PP2D1: variants seen among roughly 807,000 people sequenced by gnomAD.
PP2D1 encodes protein phosphatase 2C-like domain-containing protein 1.
PP2D1 carries 25 observed loss-of-function variants against 30.2 expected under a neutral mutation model. The ratio of observed to expected loss-of-function variants is 0.83; its 90% CI spans 0.60 to 1.16. PP2D1 has a LOEUF of 1.16. Ranked by LOEUF, PP2D1 falls within the 50% of genes most tolerant of loss-of-function variation. The pLI is 0.00. For missense variants in PP2D1, 760 were observed against 742.4 expected, an observed-to-expected ratio of 1.02 and a Z score of -0.28; for synonymous variants, 260 against 258.9, an observed-to-expected ratio of 1.00 and a Z score of -0.04.
At chr3:19,989,448 A>G (rs1283391458) in intron 2 of PP2D1, among the ~76,000 whole-genome samples, 1 of 152,234 alleles carries the variant, frequency 6.6e-6, no homozygotes, top group East Asian at 1.9e-4. Context: ...GGTGTTTGTG[A>G]AAAACATTTT....
intron 2 of PP2D1, among the ~76,000 whole-genome samples, chr3:19,990,388 C>CTCCCAAAATGCTTGGTT (rs1329265772): frequency 1.3e-5 from 2 of 152,176 alleles, no homozygotes; most frequent in African/African-American, 2.4e-5. Context: ...TCAATCGATC[C>CTCCCAAAATGCTTGGTT]TCCCAAAATG....
rs2686325 is a variant in PP2D1, at chr3:20,012,243, G to A, written c.-171C>T. ...ATGGTGGGCATTCCCCTCACTTGAT[G>A]GTAGAGCTCCCTGTGTGGAATGTTC... is the stretch of plus-strand genomic sequence containing the variant. On this transcript the variant is annotated 5_prime_UTR_variant, in exon 1 of 3. Coordinates refer to ENST00000389050, the MANE Select transcript of PP2D1 (RefSeq NM_001252657.2). The A allele has an allele frequency of 0.21, 129,765 of 611,552 alleles. 16,503 individuals are homozygous for A. The highest frequency in any genetic ancestry group is 0.47 in the African/African-American group (25,284 of 54,044). The allele number at this position is 611,552 out of a possible 1,614,324, so 37.9% of individuals were successfully genotyped here.
intron 2 of PP2D1, among the ~76,000 whole-genome samples, chr3:19,993,289 A>G (rs1298899198): frequency 6.6e-6 from 1 of 152,354 alleles, no homozygotes; most frequent in Non-Finnish European, 1.5e-5. Context: ...TCTGGATCTT[A>G]GATTGACCCT....
chr3:19,987,773 G>A (rs1022253128), intron 2 of PP2D1, among the ~76,000 whole-genome samples: 5 of 152,170 alleles, frequency 3.3e-5, no homozygotes, highest in Admixed American at 6.5e-5. Flanking sequence ...TTAGTCGGGC[G>A]TTGTTGCGGG....
Position 19,985,346 on chromosome 3 carries a change from T to G in PP2D1, c.*34A>C. The G allele has an allele frequency of 7.3e-7, 1 of 1,377,372 alleles. No homozygotes were observed. The highest frequency in any genetic ancestry group is 1.4e-5 in the South Asian group (1 of 72,810). The allele number at this position is 1,377,372 out of a possible 1,614,324, so 85.3% of individuals were successfully genotyped here. On this transcript the variant is annotated 3_prime_UTR_variant, in exon 3 of 3. Transcript: ENST00000389050. ...TGGATCATTGAAGAATCACTTTATATTTTGGTGCTCTGGATAATTGGAACT... is the reference window on the plus strand; with the variant it reads ...TGGATCATTGAAGAATCACTTTATAGTTTGGTGCTCTGGATAATTGGAACT...
intron 2 of PP2D1, 73 bp from the exon 3 acceptor site, chr3:19,986,255 C>T: frequency 8.9e-6 from 10 of 1,129,248 alleles, no homozygotes; most frequent in Non-Finnish European, 1.2e-5. Context: ...CTACTGCTAA[C>T]TTTAGTAAAT....
Position 19,986,174 on chromosome 3 carries a change from G to A in PP2D1, c.1099C>T (p.Gln367Ter). 6.8e-7 allele frequency: 1 copy of A among 1,476,740 alleles called. No individual in the cohort carries two copies. The highest frequency in any genetic ancestry group is 1.3e-5 in the South Asian group (1 of 74,568). The allele number at this position is 1,476,740 out of a possible 1,614,324, so 91.5% of individuals were successfully genotyped here. A position where few individuals can be genotyped will look rare whatever the true frequency, so the allele number is the denominator to read the frequency against. ...TTCCCATTTCTGCATAAGACTGCTT[G>A]CACATTACCTAAAAGATTATTTTTT... ...ILHVANTGNV[Q>*]AVLCRNGKGF... Residue 367 changes from glutamine to a stop codon, truncating the protein, a stop_gained, in exon 3 of 3, where the codon CAA becomes TAA. Transcript: ENST00000389050. LOFTEE classifies it low-confidence loss of function (END_TRUNC).
intron 2 of PP2D1, among the ~76,000 whole-genome samples, chr3:19,987,221 A>T (rs1350531899): frequency 6.6e-6 from 1 of 152,122 alleles, no homozygotes; most frequent in Non-Finnish European, 1.5e-5. Context: ...TTTAAACATG[A>T]TCTGAACAGA....
downstream of PP2D1, chr3:19,983,683 T>A: frequency 7.1e-7 from 1 of 1,414,902 alleles, no homozygotes; most frequent in Admixed American, 1.7e-5. Context: ...TCAAATATTC[T>A]ATTTATTTGA....
chr3:19,996,790 T>C (rs1697185178), intron 2 of PP2D1: 2 of 151,842 alleles, frequency 1.3e-5, no homozygotes, highest in African/African-American at 4.8e-5. Context: ...CACACAGAAA[T>C]CAATAAATGT....
intron 2 of PP2D1, among the ~76,000 whole-genome samples, chr3:19,995,752 T>C (rs116495261): frequency 1.3e-5 from 2 of 152,292 alleles, no homozygotes; most frequent in African/African-American, 4.8e-5. Flanking sequence ...ACATATATGA[T>C]TTTTTAAAAG....
At chr3:20,005,275 C>T (rs887927147) in intron 1 of PP2D1, among the ~76,000 whole-genome samples, 2 of 152,006 alleles carry the variant, frequency 1.3e-5, no homozygotes, top group African/African-American at 4.8e-5. Context: ...GCCTCAGCCT[C>T]CCAAGTAGCT....
chr3:20,002,012 T>C lies in PP2D1; in HGVS notation c.108A>G (p.Lys36=). Reference sequence around the variant, plus strand: ...GTCTTGACTTTTTCTTTCTAAAACGTTTTCTTTTGGGTAAAAGTAGAATAT... The same window carrying C: ...GTCTTGACTTTTTCTTTCTAAAACGCTTTCTTTTGGGTAAAAGTAGAATAT... ...DEDILLLPKR[K]RFRKKKSRPV... is the part of the protein sequence containing the mutation. The change falls in exon 2 of 3, where the codon AAA becomes AAG. Residue 36 remains lysine, a synonymous_variant. Coordinates refer to ENST00000389050, the MANE Select transcript of PP2D1 (RefSeq NM_001252657.2). 6.5e-7 allele frequency: 1 copy of C among 1,535,992 alleles called. No homozygotes were observed.
chr3:19,986,087 G>A lies in PP2D1; in HGVS notation c.1186C>T (p.Gln396Ter). 1.3e-6 allele frequency: 2 copies of A among 1,535,950 alleles called. No homozygotes were observed. The highest frequency in any genetic ancestry group is 1.7e-6 in the Non-Finnish European group (2 of 1,146,804). The change falls in exon 3 of 3, where the codon CAG (glutamine) becomes TAG (stop). Residue 396 changes from glutamine to a stop codon, truncating the protein, a stop_gained. Transcript: ENST00000389050. LOFTEE classifies it low-confidence loss of function (END_TRUNC). ...TTTGAACTAATGACTGCTCCATTCT[G>A]AAGTATTCTTCTTCTTTCATTTGTG... ...RNTNERRRIL[Q>*]NGAVISSNEP...
chr3:19,992,217 C>T (rs1194708675), intron 2 of PP2D1, among the ~76,000 whole-genome samples: 1 of 152,022 alleles, frequency 6.6e-6, no homozygotes, highest in Non-Finnish European at 1.5e-5. Context: ...AATTCATGTC[C>T]ATTGTTCATT....
At chr3:20,003,105 A>G (rs1476509525) in intron 1 of PP2D1, among the ~76,000 whole-genome samples, 1 of 152,074 alleles carries the variant, frequency 6.6e-6, no homozygotes, top group Non-Finnish European at 1.5e-5. Context: ...AGAACGTAAT[A>G]CCTGATAATG....
Position 20,012,252 on chromosome 3 carries a change from C to G in PP2D1, c.-180G>C. 1 of 609,510 alleles carries G rather than the reference C, an allele frequency of 1.6e-6. No homozygotes were observed. Among genetic ancestry groups the G allele is most frequent in the Non-Finnish European group, 2.9e-6 (1 of 343,828 alleles). 37.8% of individuals were successfully genotyped at this position (609,510 alleles called of 1,614,324 possible). On this transcript the variant is annotated 5_prime_UTR_variant, in exon 1 of 3. Coordinates refer to ENST00000389050, the MANE Select transcript of PP2D1 (RefSeq NM_001252657.2). ...ATTCCCCTCACTTGATGGTAGAGCT[C>G]CCTGTGTGGAATGTTCACTACATCA...
chr3:19,990,885 A>G (rs1697111584), intron 2 of PP2D1, among the ~76,000 whole-genome samples: 1 of 151,930 alleles, frequency 6.6e-6, no homozygotes, highest in African/African-American at 2.4e-5. Flanking sequence ...GGAGAAGTGG[A>G]GAGGAACCAG....
At chr3:19,994,191 G>A (rs544558993) in intron 2 of PP2D1, among the ~76,000 whole-genome samples, 2 of 152,236 alleles carry the variant, frequency 1.3e-5, no homozygotes, top group East Asian at 3.9e-4. Context: ...ATAAACCTAT[G>A]CCTGTTGCCA....
Sources: allele counts gnomAD v4.1 joint callset (sites outside exome capture counted in the v4.1 genomes callset), GRCh38; gene constraint gnomAD v4.1.1; transcripts MANE v1.5; gene names NCBI Gene and HGNC (gene_info 2026-07-23, HGNC 2026-07-21).